GPC5: variants seen among roughly 807,000 people sequenced by gnomAD.
The protein encoded by GPC5 is glypican 5, also known as glypican-5.
A neutral mutation model predicts 53.9 loss-of-function variants in GPC5; 47 were observed. That is an observed-to-expected ratio of 0.87 (90% CI 0.69 to 1.11). The LOEUF (loss-of-function observed/expected upper bound fraction) is 1.11, where lower values mean the gene tolerates loss of function less well. Ranked by LOEUF, GPC5 falls within the 50% of genes most tolerant of loss-of-function variation. GPC5 has a pLI of 0.00. For missense variants in GPC5, 748 were observed against 713.1 expected, an observed-to-expected ratio of 1.05 and a Z score of -0.56; for synonymous variants, 286 against 263.3, an observed-to-expected ratio of 1.09 and a Z score of -0.84.
chr13:92,692,312 T>G (rs140779185), intron 7 of GPC5, among the ~76,000 whole-genome samples: 1 of 152,222 alleles, frequency 6.6e-6, no homozygotes, highest in Non-Finnish European at 1.5e-5. Flanking sequence ...TTCTTTGCTA[T>G]TGTGAATAGT....
intron 7 of GPC5, among the ~76,000 whole-genome samples, chr13:92,623,306 G>A (rs1424978579): frequency 3.9e-5 from 6 of 152,174 alleles, no homozygotes; most frequent in Admixed American, 3.9e-4. Flanking sequence ...ATGTGAGAAG[G>A]GATTGCAATG....
intron 7 of GPC5, among the ~76,000 whole-genome samples, chr13:92,565,047 T>C (rs1327181016): frequency 5.3e-5 from 8 of 152,168 alleles, no homozygotes; most frequent in Admixed American, 3.9e-4. Flanking sequence ...AAAACAGGAC[T>C]CTTCTGGAAG....
chr13:91,996,073 G>A (rs1403946232), intron 6 of GPC5: 2 of 152,262 alleles, frequency 1.3e-5, no homozygotes, highest in Admixed American at 6.5e-5. Flanking sequence ...CAGACTCAGG[G>A]GCAAAAGGTA....
At chr13:91,530,531 C>T (rs1886296308) in intron 2 of GPC5, among the ~76,000 whole-genome samples, 1 of 152,180 alleles carries the variant, frequency 6.6e-6, no homozygotes, top group African/African-American at 2.4e-5. Context: ...AAAAATCCTA[C>T]AAAAGTCCTA....
intron 7 of GPC5, among the ~76,000 whole-genome samples, chr13:92,455,687 C>G (rs1319458662): frequency 6.6e-6 from 1 of 152,144 alleles, no homozygotes; most frequent in Non-Finnish European, 1.5e-5. Context: ...TTTAAAAACA[C>G]TTTTACTTCT....
At chr13:91,556,614 T>C (rs919882816) in intron 2 of GPC5, among the ~76,000 whole-genome samples, 3 of 151,352 alleles carry the variant, frequency 2.0e-5, no homozygotes, top group African/African-American at 7.3e-5. Flanking sequence ...CACACATATA[T>C]ACACACCATG....
intron 7 of GPC5, among the ~76,000 whole-genome samples, chr13:92,486,314 C>T (rs775410724): frequency 6.6e-6 from 1 of 152,108 alleles, no homozygotes; most frequent in Non-Finnish European, 1.5e-5. Context: ...AATGGTATTT[C>T]TATCCTCCTA....
chr13:92,535,730 A>G (rs551282053), intron 7 of GPC5, among the ~76,000 whole-genome samples: 2 of 151,948 alleles, frequency 1.3e-5, no homozygotes, highest in African/African-American at 4.8e-5. Context: ...CTCTTTGCCA[A>G]TAACTTACTT....
intron 7 of GPC5, among the ~76,000 whole-genome samples, chr13:92,787,679 A>AAAG (rs1555312772): frequency 6.7e-6 from 1 of 148,922 alleles, no homozygotes; most frequent in African/African-American, 2.5e-5. Flanking sequence ...AAAAAAAAAA[A>AAAG]AAAAGAAAAG....
chr13:92,712,635 G>A (rs1888178557), intron 7 of GPC5, among the ~76,000 whole-genome samples: 1 of 152,114 alleles, frequency 6.6e-6, no homozygotes, highest in Non-Finnish European at 1.5e-5. Flanking sequence ...GGATAAAAAG[G>A]CAAACTATAG....
At chr13:92,346,833 T>G (rs2043416892) in intron 7 of GPC5, among the ~76,000 whole-genome samples, 1 of 152,044 alleles carries the variant, frequency 6.6e-6, no homozygotes, top group African/African-American at 2.4e-5. Flanking sequence ...CAAAGTGAGC[T>G]TTACAACAAA....
chr13:92,320,940 A>G (rs2043211516), intron 7 of GPC5, among the ~76,000 whole-genome samples: 1 of 152,186 alleles, frequency 6.6e-6, no homozygotes, highest in Admixed American at 6.5e-5. Context: ...CTTGGCAATA[A>G]ATCCCTGGTA....
intron 6 of GPC5, among the ~76,000 whole-genome samples, chr13:92,103,895 C>T (rs913874745): frequency 6.6e-6 from 1 of 152,244 alleles, no homozygotes; most frequent in Non-Finnish European, 1.5e-5. Flanking sequence ...TTCCCAGGAA[C>T]GTAGTGGGGC....
chr13:92,506,101 A>G (rs906356497), intron 7 of GPC5, among the ~76,000 whole-genome samples: 13 of 152,132 alleles, frequency 8.5e-5, no homozygotes, highest in African/African-American at 3.1e-4. Flanking sequence ...ATTAAAGGTC[A>G]ATTTTATTGA....
intron 7 of GPC5, among the ~76,000 whole-genome samples, chr13:92,195,650 AAC>A: frequency 6.6e-6 from 1 of 152,214 alleles, no homozygotes. Context: ...TTAGAATCAT[AAC>A]TGAAGCTAGA....
intron 6 of GPC5, among the ~76,000 whole-genome samples, chr13:92,048,352 A>G (rs1413219513): frequency 1.3e-5 from 2 of 152,094 alleles, no homozygotes; most frequent in Admixed American, 1.3e-4. Context: ...AGATTTGACT[A>G]TGCTGTGTTA....
intron 5 of GPC5, among the ~76,000 whole-genome samples, chr13:91,777,677 A>T (rs1315760687): frequency 6.6e-6 from 1 of 152,158 alleles, no homozygotes; most frequent in Non-Finnish European, 1.5e-5. Flanking sequence ...TAAAGATGGA[A>T]CTTGATTTTG....
intron 7 of GPC5, among the ~76,000 whole-genome samples, chr13:92,242,680 A>G (rs938516020): frequency 2.0e-5 from 3 of 152,148 alleles, no homozygotes; most frequent in African/African-American, 7.2e-5. Flanking sequence ...CAGTCATGTC[A>G]GATATCATTC....
At chr13:92,081,052 G>T (rs1263250470) in intron 6 of GPC5, among the ~76,000 whole-genome samples, 1 of 152,096 alleles carries the variant, frequency 6.6e-6, no homozygotes, top group East Asian at 1.9e-4. Context: ...CCCTCTATAT[G>T]CCTCTCTATT....
Sources: allele counts gnomAD v4.1 joint callset (sites outside exome capture counted in the v4.1 genomes callset), GRCh38; gene constraint gnomAD v4.1.1; transcripts MANE v1.5; gene names NCBI Gene and HGNC (gene_info 2026-07-23, HGNC 2026-07-21).